The following KHDRBS2 variants were observed in gnomAD, a reference collection of about 807,000 sequenced individuals.
KHDRBS2 encodes KH domain-containing, RNA-binding, signal transduction-associated protein 2.
A neutral mutation model predicts 44.3 loss-of-function variants in KHDRBS2; 26 were observed. The ratio of observed to expected loss-of-function variants is 0.59; its 90% CI spans 0.43 to 0.81. KHDRBS2 has a LOEUF of 0.81. KHDRBS2 is among the 40% of genes least tolerant of loss of function. KHDRBS2 has a pLI of 0.00. For synonymous variants in KHDRBS2, 194 were observed against 151.1 expected, an observed-to-expected ratio of 1.28 and a Z score of -2.08; for missense variants, 476 against 433.1, an observed-to-expected ratio of 1.10 and a Z score of -0.88.
chr6:62,242,088 A>G (rs1834770084), intron 1 of KHDRBS2, among the ~76,000 whole-genome samples: 1 of 152,174 alleles, frequency 6.6e-6, no homozygotes, highest in African/African-American at 2.4e-5. Flanking sequence ...AAAAAGAAAA[A>G]CAGGTATTTA....
the KHDRBS2 span, among the ~76,000 whole-genome samples, chr6:61,664,549 A>G: frequency 1.3e-5 from 2 of 151,754 alleles, no homozygotes; most frequent in Non-Finnish European, 2.9e-5. Context: ...ATATTTTAAC[A>G]GAACTGTAGC....
At chr6:62,004,194 A>T (rs1447398030) in intron 3 of KHDRBS2, among the ~76,000 whole-genome samples, 1 of 152,196 alleles carries the variant, frequency 6.6e-6, no homozygotes, top group Non-Finnish European at 1.5e-5. Flanking sequence ...AAAATCCTTC[A>T]AAAAATCCAT....
chr6:61,865,087 G>A (rs1797580701), intron 6 of KHDRBS2, among the ~76,000 whole-genome samples: 2 of 152,090 alleles, frequency 1.3e-5, no homozygotes, highest in Non-Finnish European at 2.9e-5. Flanking sequence ...ACTGCATTGT[G>A]AAGTTCTTGT....
At chr6:62,111,971 G>T (rs1299509159) in intron 2 of KHDRBS2, among the ~76,000 whole-genome samples, 1 of 152,076 alleles carries the variant, frequency 6.6e-6, no homozygotes, top group Non-Finnish European at 1.5e-5. Context: ...AAGAAATTTG[G>T]ATTTCTAAGT....
chr6:62,096,679 GA>G (rs1163129895), intron 2 of KHDRBS2, among the ~76,000 whole-genome samples: 2 of 151,584 alleles, frequency 1.3e-5, no homozygotes, highest in Admixed American at 1.3e-4. Context: ...TCATTTAATT[GA>G]TTTTTTTGTA....
rs1409298619 is a variant in KHDRBS2 at position 61,775,096 on chromosome 6, T to C, written c.811-42332A>G. ...ACCTTTGACAAAATTCAACAACCCT[T>C]CATGCTAAAAGCTCTCAATAAATTA... is the stretch of plus-strand genomic sequence containing the variant. On this transcript the variant is annotated intron_variant, in intron 6 of 8. Coordinates refer to ENST00000281156, the MANE Select transcript of KHDRBS2 (RefSeq NM_152688.4). Among the ~76,000 whole-genome samples, 3 of 152,068 alleles carry C rather than the reference T, an allele frequency of 2.0e-5. No individual in the cohort carries two copies. In the East Asian group the frequency reaches 5.8e-4, roughly 29 times the overall value.
chr6:61,699,283 A>T (rs1204131), intron 7 of KHDRBS2, among the ~76,000 whole-genome samples: 93,846 of 151,788 alleles, frequency 0.62, 30,092 homozygotes, highest in Non-Finnish European at 0.7. Flanking sequence ...AGAGAAATTT[A>T]ATTTAATTTA....
chr6:62,050,998 C>A (rs1400757679), intron 2 of KHDRBS2, among the ~76,000 whole-genome samples: 1 of 151,916 alleles, frequency 6.6e-6, no homozygotes. Flanking sequence ...ATTTGAGAAG[C>A]CAGATATAAA....
intron 6 of KHDRBS2, among the ~76,000 whole-genome samples, chr6:61,794,937 G>A (rs1785098839): frequency 1.3e-5 from 2 of 151,688 alleles, no homozygotes; most frequent in African/African-American, 4.8e-5. Flanking sequence ...TCAGGGGTTT[G>A]AGACCAACCT....
intron 6 of KHDRBS2, among the ~76,000 whole-genome samples, chr6:61,741,018 C>T (rs1776058947): frequency 6.6e-6 from 1 of 151,772 alleles, no homozygotes. Flanking sequence ...GAAATGAGGG[C>T]ACAAGGTCAG....
chr6:61,826,457 C>T (rs928379000), intron 6 of KHDRBS2, among the ~76,000 whole-genome samples: 7 of 152,076 alleles, frequency 4.6e-5, no homozygotes, highest in Non-Finnish European at 1.0e-4. Flanking sequence ...GCTGCTTTTA[C>T]AGATTTCTTA....
At chr6:61,775,595 G>A (rs1409574059) in intron 6 of KHDRBS2, among the ~76,000 whole-genome samples, 1 of 152,108 alleles carries the variant, frequency 6.6e-6, no homozygotes, top group Non-Finnish European at 1.5e-5. Context: ...GGGACGTGAA[G>A]GACCTCTTCA....
In KHDRBS2 at chr6:61,752,417, C is replaced by G. The variant is rs566307885; in HGVS notation, c.811-19653G>C. ...ACCTAGCTTTATCTGACTCTAAATG[C>G]TAGTCTCTTTCCATTAAATCATGTT... is the stretch of plus-strand genomic sequence containing the variant. On this transcript the variant is annotated intron_variant, in intron 6 of 8. Transcript: ENST00000281156. 3.1e-3 allele frequency among the ~76,000 whole-genome samples: 477 copies of G among 152,162 alleles called. 3 individuals are homozygous for G. Among genetic ancestry groups the G allele is most frequent in the Non-Finnish European group, 4.5e-3 (304 of 67,978 alleles).
At chr6:61,776,236 G>A (rs1170880416) in intron 6 of KHDRBS2, among the ~76,000 whole-genome samples, 2 of 152,084 alleles carry the variant, frequency 1.3e-5, no homozygotes, top group African/African-American at 4.8e-5. Context: ...CATGGGCAAG[G>A]ACTTCATGTC....
chr6:61,642,629 C>A, the KHDRBS2 span, among the ~76,000 whole-genome samples: 1 of 149,728 alleles, frequency 6.7e-6, no homozygotes, highest in Admixed American at 6.7e-5. Flanking sequence ...CCAATGTACT[C>A]CAGCCTGGGT....
At chr6:61,835,900 C>T (rs954197498) in intron 6 of KHDRBS2, among the ~76,000 whole-genome samples, 9 of 151,960 alleles carry the variant, frequency 5.9e-5, no homozygotes, top group African/African-American at 2.2e-4. Flanking sequence ...TTCCTCAACG[C>T]TCATGCACAT....
At chr6:62,067,524 A>G (rs896987760) in intron 2 of KHDRBS2, among the ~76,000 whole-genome samples, 2 of 151,562 alleles carry the variant, frequency 1.3e-5, no homozygotes, top group African/African-American at 2.4e-5. Flanking sequence ...TGAACAGTAT[A>G]GAGCCCTCCA....
chr6:61,986,168 A>G (rs1423749274), intron 3 of KHDRBS2, among the ~76,000 whole-genome samples: 1 of 152,190 alleles, frequency 6.6e-6, no homozygotes, highest in East Asian at 1.9e-4. Context: ...ACCTCTCATG[A>G]AAAGATGAAA....
At chr6:62,107,676 C>G (rs1251007562) in intron 2 of KHDRBS2, among the ~76,000 whole-genome samples, 2 of 152,166 alleles carry the variant, frequency 1.3e-5, no homozygotes, top group East Asian at 3.9e-4. Flanking sequence ...AGGCATCATG[C>G]TACCTGACTT....
Sources: gnomAD v4.1 joint callset for allele counts (sites outside exome capture counted in the v4.1 genomes callset) on GRCh38, gnomAD v4.1.1 for gene constraint, MANE v1.5 for transcripts, NCBI Gene and HGNC (gene_info 2026-07-23, HGNC 2026-07-21) for gene names.